The following CNTLN variants were observed in gnomAD, a reference collection of about 807,000 sequenced individuals.
CNTLN encodes the protein centlein, also known as centlein, centrosomal protein.
In CNTLN, 212 loss-of-function variants were observed where a neutral mutation model predicts 180.0. The observed-to-expected ratio is 1.18, with a 90% CI of 1.05 to 1.32. The LOEUF is 1.32. Among genes scored for constraint, CNTLN ranks in the 40% most tolerant of loss-of-function variants. The pLI is 0.00. For missense variants in CNTLN, 2,095 were observed against 1,610.9 expected, an observed-to-expected ratio of 1.30 and a Z score of -5.14; for synonymous variants, 722 against 563.1, an observed-to-expected ratio of 1.28 and a Z score of -3.99.
intron 23 of CNTLN, among the ~76,000 whole-genome samples, chr9:17,468,373 G>A (rs1174974486): frequency 6.6e-6 from 1 of 151,388 alleles, no homozygotes; most frequent in African/African-American, 2.4e-5. Context: ...ACCTGCACAT[G>A]TATCCCTGAA....
chr9:17,201,329 C>A (rs541277702), intron 2 of CNTLN, among the ~76,000 whole-genome samples: 2 of 152,280 alleles, frequency 1.3e-5, no homozygotes, highest in African/African-American at 4.8e-5. Flanking sequence ...GTTTTGGTAT[C>A]AGGATGATGC....
chr9:17,142,759 C>T (rs1263039559), intron 1 of CNTLN, among the ~76,000 whole-genome samples: 1 of 152,076 alleles, frequency 6.6e-6, no homozygotes, highest in Admixed American at 6.6e-5. Flanking sequence ...TTTAAAAGCT[C>T]CTCAAAAGAG....
At chr9:17,167,135 A>G (rs1423767922) in intron 2 of CNTLN, 2 of 186,522 alleles carry the variant, frequency 1.1e-5, no homozygotes, top group Non-Finnish European at 2.4e-5. Flanking sequence ...AAAGTGACAT[A>G]ATTTTTGTTT....
intron 2 of CNTLN, among the ~76,000 whole-genome samples, chr9:17,169,286 C>T (rs1820279863): frequency 1.3e-5 from 2 of 152,134 alleles, no homozygotes; most frequent in Admixed American, 6.5e-5. Context: ...GTCTGAGCCA[C>T]CACACTTGGC....
chr9:17,181,247 G>C (rs902882379), intron 2 of CNTLN, among the ~76,000 whole-genome samples: 5 of 152,072 alleles, frequency 3.3e-5, no homozygotes, highest in Non-Finnish European at 7.4e-5. Flanking sequence ...GTTCATATTT[G>C]GTAAATTCTG....
At chr9:17,357,133 T>C (rs539542698) in intron 12 of CNTLN, among the ~76,000 whole-genome samples, 1 of 152,278 alleles carries the variant, frequency 6.6e-6, no homozygotes, top group South Asian at 2.1e-4. Flanking sequence ...ATGTGGATTA[T>C]TTCATTTACT....
chr9:17,290,230 C>G (rs1312777312), intron 6 of CNTLN, among the ~76,000 whole-genome samples: 3 of 152,080 alleles, frequency 2.0e-5, no homozygotes, highest in Admixed American at 1.3e-4. Context: ...TTCTATCAGA[C>G]AGGACCCTCA....
intron 2 of CNTLN, among the ~76,000 whole-genome samples, chr9:17,174,050 AATTTTATC>A (rs1348383046): frequency 1.3e-5 from 2 of 152,174 alleles, no homozygotes; most frequent in Non-Finnish European, 2.9e-5. Context: ...CCATTTTTGT[AATTTTATC>A]ATTTCTAAAA....
chr9:17,328,588 C>G (rs548641232), intron 8 of CNTLN, among the ~76,000 whole-genome samples: 1 of 152,178 alleles, frequency 6.6e-6, no homozygotes, highest in South Asian at 2.1e-4. Flanking sequence ...GTAAACATGT[C>G]TGTAACAAAA....
chr9:17,313,825 C>G (rs969349062), intron 8 of CNTLN, among the ~76,000 whole-genome samples: 1 of 152,042 alleles, frequency 6.6e-6, no homozygotes, highest in South Asian at 2.1e-4. Flanking sequence ...GATACAGAGT[C>G]TCTCTGTGTT....
intron 6 of CNTLN, among the ~76,000 whole-genome samples, chr9:17,282,518 T>G (rs1036594944): frequency 6.6e-6 from 1 of 152,200 alleles, no homozygotes; most frequent in African/African-American, 2.4e-5. Flanking sequence ...TGCAAAAATT[T>G]TCTCCCATTC....
intron 7 of CNTLN, chr9:17,300,256 G>C (rs1004978532): frequency 6.6e-6 from 1 of 152,084 alleles, no homozygotes; most frequent in African/African-American, 2.4e-5. Context: ...GCTCAAAAAT[G>C]TTTTGGATTT....
At chr9:17,438,128 C>T (rs963479843) in intron 18 of CNTLN, among the ~76,000 whole-genome samples, 4 of 152,046 alleles carry the variant, frequency 2.6e-5, no homozygotes, top group South Asian at 2.1e-4. Flanking sequence ...AAGGCCTGAC[C>T]GTAGACCAAT....
At chr9:17,423,069 A>G (rs1828834126) in intron 18 of CNTLN, among the ~76,000 whole-genome samples, 1 of 152,150 alleles carries the variant, frequency 6.6e-6, no homozygotes, top group East Asian at 1.9e-4. Context: ...GCCCCAAACA[A>G]AAGGAGTCTC....
At chr9:17,163,075 A>G (rs998124142) in intron 2 of CNTLN, among the ~76,000 whole-genome samples, 9 of 152,210 alleles carry the variant, frequency 5.9e-5, no homozygotes, top group African/African-American at 2.2e-4. Flanking sequence ...GCAAAGTCAC[A>G]TCTTACATTG....
chr9:17,416,327 G>A (rs563450745), intron 18 of CNTLN, 138 bp downstream of exon 18: 4 of 620,690 alleles, frequency 6.4e-6, no homozygotes, highest in Non-Finnish European at 7.8e-6. Flanking sequence ...GTTTACTAGT[G>A]TAATTAGTTT....
intron 18 of CNTLN, among the ~76,000 whole-genome samples, chr9:17,449,671 G>C (rs544329033): frequency 6.6e-6 from 1 of 152,062 alleles, no homozygotes; most frequent in Non-Finnish European, 1.5e-5. Flanking sequence ...CACATATAAC[G>C]TGTTTTTACT....
intron 12 of CNTLN, among the ~76,000 whole-genome samples, chr9:17,353,946 G>T (rs1043036634): frequency 8.5e-5 from 13 of 152,182 alleles, no homozygotes; most frequent in African/African-American, 3.1e-4. Flanking sequence ...GGAGAGGCGT[G>T]AGCGGGAACC....
chr9:17,297,512 A>G (rs1473977040), intron 6 of CNTLN, among the ~76,000 whole-genome samples: 7 of 152,146 alleles, frequency 4.6e-5, no homozygotes, highest in African/African-American at 1.7e-4. Context: ...CTCTATCTCA[A>G]AGGTGTAGTT....
Sources: allele counts gnomAD v4.1 joint callset (sites outside exome capture counted in the v4.1 genomes callset), GRCh38; gene constraint gnomAD v4.1.1; transcripts MANE v1.5; gene names NCBI Gene and HGNC (gene_info 2026-07-23, HGNC 2026-07-21).